The following MYH11 variants were observed in gnomAD, a reference collection of about 807,000 sequenced individuals.
MYH11 encodes the protein myosin heavy chain 11, also known as myosin-11.
A neutral mutation model predicts 246.6 loss-of-function variants in MYH11; 80 were observed. The ratio of observed to expected loss-of-function variants is 0.32; its 90% CI spans 0.27 to 0.39. The LOEUF (loss-of-function observed/expected upper bound fraction) is 0.39, where lower values mean the gene tolerates loss of function less well. Ranked by LOEUF, MYH11 falls within the 10% of genes least tolerant of loss-of-function variation. The pLI is 1.00. For synonymous variants in MYH11, 1,071 were observed against 1,015.5 expected, an observed-to-expected ratio of 1.05 and a Z score of -1.04; for missense variants, 2,158 against 2,546.8, an observed-to-expected ratio of 0.85 and a Z score of 3.29.
intron 5 of MYH11, 64 bp downstream of exon 5, chr16:15,786,566 G>T: frequency 1.4e-6 from 2 of 1,430,214 alleles, no homozygotes; most frequent in Non-Finnish European, 2.0e-6. Flanking sequence ...TTGTATCTCG[G>T]TTGGGCTGCA....
At chr16:15,729,829 G>T (rs1272435198) in intron 27 of MYH11, among the ~76,000 whole-genome samples, 1 of 152,136 alleles carries the variant, frequency 6.6e-6, no homozygotes, top group African/African-American at 2.4e-5. Context: ...GGGATTACAG[G>T]CGTGAGCCAC....
intron 26 of MYH11, among the ~76,000 whole-genome samples, chr16:15,734,243 C>T (rs1160174851): frequency 6.6e-6 from 1 of 152,070 alleles, no homozygotes; most frequent in Non-Finnish European, 1.5e-5. Context: ...CACACACAGA[C>T]AGGAAGGAAT....
chr16:15,833,389 A>AAGGAAGGAAGGAAGGAAGGG (rs2043801793), intron 2 of MYH11, among the ~76,000 whole-genome samples: 9 of 113,354 alleles, frequency 7.9e-5, no homozygotes, highest in African/African-American at 2.8e-4. Flanking sequence ...GGGAGGGAGG[A>AAGGAAGGAAGGAAGGAAGGG]AGGAAGGAAG....
Position 15,717,768 on chromosome 16 carries a change from C to T in MYH11, c.5296-420G>A, listed in dbSNP as rs2040240740. The T allele has an allele frequency of 3.1e-5, 9 of 287,850 alleles. 1 individual carries two copies. The South Asian group carries it at 3.2e-4, about 10-fold the overall frequency. The allele number at this position is 287,850 out of a possible 1,614,324, so 17.8% of individuals were successfully genotyped here. ...CCAAGATTGCGCCACTGCACTCCAG[C>T]CTGGGCCACAGAGAGACCCTGTCTC... On this transcript the variant is annotated intron_variant, in intron 37 of 40. Coordinates refer to ENST00000300036, the MANE Select transcript of MYH11 (RefSeq NM_002474.3).
In MYH11 at chr16:15,750,162, G is replaced by A; in HGVS notation, c.2034C>T (p.Cys678=). Residue 678 remains cysteine, a synonymous_variant, in exon 16 of 41, where the codon TGC becomes TGT. Transcript: ENST00000300036. The surrounding 1 kb of genome is among the most constrained non-coding windows in gnomAD (Gnocchi z 4.3). ...CCCTCTTCTCGTGGTTGGGGATGATGCAGCGCACGAAGTTGGGCGTGGTGT... is the reference window on the plus strand; with the variant it reads ...CCCTCTTCTCGTGGTTGGGGATGATACAGCGCACGAAGTTGGGCGTGGTGT... ...LRNTTPNFVR[C]IIPNHEKRSG... is the part of the protein sequence containing the mutation. The A allele has an allele frequency of 6.2e-7, 1 of 1,614,226 alleles. No homozygotes were observed. The highest frequency in any genetic ancestry group is 8.5e-7 in the Non-Finnish European group (1 of 1,180,040).
intron 3 of MYH11, among the ~76,000 whole-genome samples, chr16:15,808,856 G>A (rs1280823317): frequency 6.6e-6 from 1 of 152,134 alleles, no homozygotes; most frequent in East Asian, 1.9e-4. Flanking sequence ...TTGTGCCACT[G>A]CGCTCTAGCT....
At chr16:15,766,394 T>A (rs892086448) in intron 9 of MYH11, among the ~76,000 whole-genome samples, 9 of 147,142 alleles carry the variant, frequency 6.1e-5, no homozygotes, top group Non-Finnish European at 1.5e-5. Flanking sequence ...TGTGTGAGAC[T>A]GAGTCTTGCT....
chr16:15,774,960 T>C (rs985636294), intron 8 of MYH11, among the ~76,000 whole-genome samples: 6 of 152,178 alleles, frequency 3.9e-5, no homozygotes, highest in African/African-American at 1.4e-4. Context: ...CACAGCGAAG[T>C]TCTGAGCTCA....
chr16:15,703,738 A>G lies in MYH11; in HGVS notation c.*253T>C. The G allele has an allele frequency of 4.0e-6, 2 of 506,266 alleles. No individual in the cohort carries two copies. Among genetic ancestry groups the G allele is most frequent in the Non-Finnish European group, 7.2e-6 (2 of 278,932 alleles). The allele number at this position is 506,266 out of a possible 1,614,324, so 31.4% of individuals were successfully genotyped here. Reference sequence around the variant, plus strand: ...CTAGTAGCTGGGACCACAGGTGTGTACCACCACGCCCAGCTTATTTTTAAA... The same window carrying G: ...CTAGTAGCTGGGACCACAGGTGTGTGCCACCACGCCCAGCTTATTTTTAAA... On this transcript the variant is annotated 3_prime_UTR_variant, in exon 41 of 41. Coordinates refer to ENST00000300036, the MANE Select transcript of MYH11 (RefSeq NM_002474.3).
chr16:15,808,305 C>T (rs1250546527), intron 3 of MYH11, among the ~76,000 whole-genome samples: 1 of 152,122 alleles, frequency 6.6e-6, no homozygotes, highest in Non-Finnish European at 1.5e-5. Context: ...ACACACTGAC[C>T]GAATCACCCT....
chr16:15,759,822 G>A, intron 11 of MYH11, 94 bp from the exon 12 acceptor site: 1 of 1,494,114 alleles, frequency 6.7e-7, no homozygotes, highest in South Asian at 1.2e-5. Context: ...TCTTGGCCGG[G>A]TGCAGTGACT....
At chr16:15,820,573 G>C (rs2043384769) in intron 3 of MYH11, among the ~76,000 whole-genome samples, 1 of 151,902 alleles carries the variant, frequency 6.6e-6, no homozygotes, top group Non-Finnish European at 1.5e-5. Flanking sequence ...GGGGCTTTGA[G>C]AGACTTAAAC....
intron 7 of MYH11, among the ~76,000 whole-genome samples, chr16:15,776,633 G>T (rs1167689675): frequency 6.6e-6 from 1 of 152,202 alleles, no homozygotes; most frequent in African/African-American, 2.4e-5. Context: ...TATTATCGGT[G>T]TTTTCAATAA....
intron 36 of MYH11, chr16:15,718,810 C>T (rs896340828): frequency 1.2e-4 from 50 of 408,134 alleles, no homozygotes; most frequent in Non-Finnish European, 2.0e-4. Flanking sequence ...TCTCAGAGGA[C>T]GCTTCGTCAG....
At chr16:15,776,602 A>G (rs1048350173) in intron 7 of MYH11, among the ~76,000 whole-genome samples, 2 of 152,204 alleles carry the variant, frequency 1.3e-5, no homozygotes, top group Admixed American at 1.3e-4. Context: ...CTCACAAAGT[A>G]TGCTAGGAAA....
chr16:15,853,748 C>A (rs1357666227), intron 1 of MYH11, among the ~76,000 whole-genome samples: 6 of 152,128 alleles, frequency 3.9e-5, no homozygotes, highest in Non-Finnish European at 8.8e-5. Flanking sequence ...ATAAGCCAGG[C>A]GCGGTGGCTC....
At chr16:15,763,944 C>G in intron 9 of MYH11, 53 bp from the exon 10 acceptor site, 1 of 1,492,424 alleles carries the variant, frequency 6.7e-7, no homozygotes, top group African/African-American at 1.4e-5. Flanking sequence ...GCCAAGGTAC[C>G]CTGGAGTTTT....
chr16:15,829,462 G>A lies in MYH11; in HGVS notation c.346-6051C>T, dbSNP rs544136121. ...CAGCCGCACATCTCACGGCAGGGTC[G>A]TGGGGCTTCAGCATCGGGCTCTTCC... On this transcript the variant is annotated intron_variant, in intron 2 of 40. Transcript: ENST00000300036. Among the ~76,000 whole-genome samples the A allele has an allele frequency of 5.3e-5, 8 of 152,294 alleles. No individual in the cohort carries two copies. The South Asian group carries it at 6.2e-4, about 12-fold the overall frequency.
intron 12 of MYH11, among the ~76,000 whole-genome samples, chr16:15,758,637 C>G (rs1451794979): frequency 1.3e-5 from 2 of 148,210 alleles, no homozygotes; most frequent in African/African-American, 5.0e-5. Context: ...AACTCTGTCT[C>G]TACCAAAAAA....
Sources: allele counts gnomAD v4.1 joint callset (sites outside exome capture counted in the v4.1 genomes callset), GRCh38; gene constraint gnomAD v4.1.1; non-coding constraint Gnocchi (gnomAD v3.1); transcripts MANE v1.5; gene names NCBI Gene and HGNC (gene_info 2026-07-23, HGNC 2026-07-21).